RYR3: variants seen among roughly 807,000 people sequenced by gnomAD.
RYR3 encodes brain ryanodine receptor-calcium release channel.
In RYR3, 207 loss-of-function variants were observed where a neutral mutation model predicts 584.3. The ratio of observed to expected loss-of-function variants is 0.35; its 90% CI spans 0.32 to 0.40. The LOEUF (loss-of-function observed/expected upper bound fraction) is 0.40. RYR3 is among the 10% of genes least tolerant of loss of function. The probability of loss-of-function intolerance (pLI) is 1.00; values close to 1 mark genes in which losing one functional copy is unlikely to be tolerated. For missense variants in RYR3, 5,616 were observed against 6,089.2 expected, an observed-to-expected ratio of 0.92 and a Z score of 2.59; for synonymous variants, 2,416 against 2,248.5, an observed-to-expected ratio of 1.07 and a Z score of -2.11.
At chr15:33,581,359 AAAAAC>A (rs1355165262) in intron 13 of RYR3, 144 bp from the exon 14 acceptor site, 2 of 786,038 alleles carry the variant, frequency 2.5e-6, no homozygotes, top group Non-Finnish European at 4.0e-6. Context: ...AGGAGGGAAA[AAAAAC>A]AAACCCAACT....
At chr15:33,798,937 G>A (rs1326754466) in intron 67 of RYR3, among the ~76,000 whole-genome samples, 1 of 152,126 alleles carries the variant, frequency 6.6e-6, no homozygotes, top group African/African-American at 2.4e-5. Context: ...GGAGGTACAG[G>A]CTACCCACAA....
At chr15:33,473,027 G>A (rs2049057200) in intron 1 of RYR3, among the ~76,000 whole-genome samples, 1 of 152,152 alleles carries the variant, frequency 6.6e-6, no homozygotes, top group Non-Finnish European at 1.5e-5. Flanking sequence ...GATCTTGTCT[G>A]TATTCTCTGT....
intron 1 of RYR3, among the ~76,000 whole-genome samples, chr15:33,448,268 C>G (rs1475118151): frequency 1.3e-5 from 2 of 152,176 alleles, no homozygotes; most frequent in Non-Finnish European, 2.9e-5. Flanking sequence ...GTTTGTGTTT[C>G]ATGACTGCTT....
At position 33,651,921 on chromosome 15, in the gene RYR3, T is replaced by C. The variant is rs538018082; in HGVS notation, c.4143-797T>C. On this transcript the variant is annotated intron_variant, in intron 31 of 103. Transcript: ENST00000634891. ...ATCTCTTGCCCACGGTGGGGGGCTC[T>C]GAGAATCACCTCTGCCACTGCACAT... Among the ~76,000 whole-genome samples, 3 of 152,308 alleles carry C rather than the reference T, an allele frequency of 2.0e-5. No individual in the cohort carries two copies. The East Asian group carries it at 5.8e-4, about 29-fold the overall frequency.
intron 1 of RYR3, among the ~76,000 whole-genome samples, chr15:33,331,045 TG>T (rs1364604267): frequency 1.3e-5 from 2 of 152,128 alleles, no homozygotes; most frequent in African/African-American, 4.8e-5. Context: ...TTTGTTTGTT[TG>T]GTTGGTTGGT....
At chr15:33,654,733 C>T (rs1410740749) in intron 32 of RYR3, among the ~76,000 whole-genome samples, 1 of 152,178 alleles carries the variant, frequency 6.6e-6, no homozygotes, top group East Asian at 1.9e-4. Flanking sequence ...AGGAGAGTGG[C>T]ATGCCGTACT....
At chr15:33,845,947 T>C (rs547949326) in intron 93 of RYR3, among the ~76,000 whole-genome samples, 59 of 152,308 alleles carry the variant, frequency 3.9e-4, no homozygotes, top group African/African-American at 1.3e-3. Flanking sequence ...CTCTGTTCTA[T>C]GTAAAGGCGC....
chr15:33,436,855 T>C (rs1032806571), intron 1 of RYR3, among the ~76,000 whole-genome samples: 16 of 152,200 alleles, frequency 1.1e-4, no homozygotes, highest in African/African-American at 3.1e-4. Flanking sequence ...CTTTAAGTTA[T>C]TTATTTTTTG....
chr15:33,697,830 C>A, intron 39 of RYR3, 52 bp from the exon 40 acceptor site: 1 of 1,131,566 alleles, frequency 8.8e-7, no homozygotes, highest in Non-Finnish European at 1.3e-6. Context: ...CCTGAATTTT[C>A]ATAGCATATA....
rs1178785658 is a variant in RYR3 at position 33,857,937 on chromosome 15, GCCAGCCCACCCAC to G, written c.14142+24_14142+36del. ...ACGGTGAGAGCCCACCCACTGCGGG[GCCAGCCCACCCAC>G]TGCGGGGCCACCCCGCCCCACCACC... On this transcript the variant is annotated intron_variant, in intron 99 of 103. Coordinates refer to ENST00000634891, the MANE Select transcript of RYR3 (RefSeq NM_001036.6). The G allele has an allele frequency of 2.0e-5, 28 of 1,379,556 alleles. No individual in the cohort carries two copies. In the African/African-American group the frequency reaches 9.8e-4, roughly 48 times the overall value. The allele number at this position is 1,379,556 out of a possible 1,614,324, so 85.5% of individuals were successfully genotyped here.
chr15:33,836,009 C>T (rs1277028874), intron 87 of RYR3, among the ~76,000 whole-genome samples: 4 of 152,132 alleles, frequency 2.6e-5, no homozygotes, highest in Non-Finnish European at 5.9e-5. Flanking sequence ...TGATATCCTA[C>T]ACTTCTGTGA....
intron 2 of RYR3, among the ~76,000 whole-genome samples, chr15:33,477,210 C>G (rs1198153505): frequency 2.6e-5 from 4 of 151,928 alleles, no homozygotes; most frequent in Non-Finnish European, 5.9e-5. Flanking sequence ...GTGTTTTAAG[C>G]TAGTTGAGAC....
intron 16 of RYR3, among the ~76,000 whole-genome samples, chr15:33,596,040 T>C (rs910706699): frequency 6.6e-6 from 1 of 151,434 alleles, no homozygotes; most frequent in Non-Finnish European, 1.5e-5. Context: ...AGATTCTTTC[T>C]TATATAAAAT....
At chr15:33,530,349 T>G (rs2054761778) in intron 3 of RYR3, among the ~76,000 whole-genome samples, 1 of 152,198 alleles carries the variant, frequency 6.6e-6, no homozygotes, top group Non-Finnish European at 1.5e-5. Flanking sequence ...CTGCTGATCC[T>G]GGGCAGAGGC....
intron 1 of RYR3, among the ~76,000 whole-genome samples, chr15:33,362,733 T>G (rs1457651854): frequency 6.6e-6 from 1 of 152,198 alleles, no homozygotes; most frequent in African/African-American, 2.4e-5. Flanking sequence ...ACTTCATGCT[T>G]GGAGAGCCCT....
intron 72 of RYR3, 44 bp downstream of exon 72, chr15:33,811,081 T>G (rs780534990): frequency 6.6e-7 from 1 of 1,522,300 alleles, no homozygotes; most frequent in South Asian, 1.2e-5. Context: ...CGGCTTTCCT[T>G]CTGGCTGCAG....
chr15:33,583,555 G>A (rs11072550), intron 14 of RYR3, among the ~76,000 whole-genome samples: 11,185 of 152,166 alleles, frequency 0.074, 1,158 homozygotes, highest in African/African-American at 0.23. Flanking sequence ...CAACTGGACC[G>A]GTGTTTGGTA....
Position 33,696,270 on chromosome 15 carries a change from C to T in RYR3, c.5913C>T (p.Asp1971=). 1 of 1,613,700 alleles carries T rather than the reference C, an allele frequency of 6.2e-7. No individual in the cohort carries two copies. The highest frequency in any genetic ancestry group is 8.5e-7 in the Non-Finnish European group (1 of 1,179,806). ...SQTMICWAQE[D]QIQDSELVRM... is the part of the protein sequence containing the mutation. ...CGATGATCTGCTGGGCCCAGGAGGA[C>T]CAGATCCAGGATTCAGAGCTGGTCC... Residue 1971 remains aspartate, a synonymous_variant, in exon 39 of 104, where the codon GAC becomes GAT. Transcript: ENST00000634891.
chr15:33,794,279 G>T (rs1194838033), intron 67 of RYR3, among the ~76,000 whole-genome samples: 2 of 35,928 alleles, frequency 5.6e-5, no homozygotes, highest in Non-Finnish European at 1.6e-4. Flanking sequence ...AGATAGGTAA[G>T]GAAAGAAAAG....
Sources: gnomAD v4.1 joint callset for allele counts (sites outside exome capture counted in the v4.1 genomes callset) on GRCh38, gnomAD v4.1.1 for gene constraint, MANE v1.5 for transcripts, NCBI Gene and HGNC (gene_info 2026-07-23, HGNC 2026-07-21) for gene names.